TMC5: variants seen among roughly 807,000 people sequenced by gnomAD.
TMC5 encodes transmembrane channel like 5.
Under a neutral mutation model 110.5 loss-of-function variants are expected in TMC5, and 86 were observed. That is an observed-to-expected ratio of 0.78 (90% CI 0.65 to 0.93). TMC5 has a LOEUF of 0.93. Ranked by LOEUF, TMC5 falls within the 40% of genes least tolerant of loss-of-function variation. TMC5 has a pLI of 0.00. For synonymous variants in TMC5, 455 were observed against 439.5 expected (o/e 1.04, Z -0.44); for missense variants, 1,144 against 1,222.8 (o/e 0.94, Z 0.96).
At chr16:19,480,849 A>G (rs553095876) in intron 14 of TMC5, among the ~76,000 whole-genome samples, 9 of 149,538 alleles carry the variant, frequency 6.0e-5, no homozygotes, top group Admixed American at 1.3e-4. Flanking sequence ...TTTTTGACAG[A>G]TCTTTTTTTT....
intron 15 of TMC5, among the ~76,000 whole-genome samples, chr16:19,486,559 T>C (rs1207574883): frequency 6.6e-6 from 1 of 152,148 alleles, no homozygotes; most frequent in East Asian, 1.9e-4. Flanking sequence ...GTATTTTTTG[T>C]AGAGATGGGG....
chr16:19,461,915 T>A (rs1427746042), intron 6 of TMC5, among the ~76,000 whole-genome samples: 1 of 152,132 alleles, frequency 6.6e-6, no homozygotes, highest in Non-Finnish European at 1.5e-5. Flanking sequence ...GAGATTGCAA[T>A]GGGAGGACCA....
intron 1 of TMC5, among the ~76,000 whole-genome samples, chr16:19,420,920 C>T (rs991494073): frequency 2.6e-5 from 4 of 152,158 alleles, no homozygotes; most frequent in African/African-American, 9.7e-5. Context: ...GAATTTTATC[C>T]TGTGTCAGAG....
chr16:19,443,933 A>C, intron 3 of TMC5, 148 bp from the exon 4 acceptor site: 1 of 669,684 alleles, frequency 1.5e-6, no homozygotes, highest in Non-Finnish European at 2.5e-6. Context: ...GGATGGATAC[A>C]TGGATGGATG....
chr16:19,489,623 C>T (rs1229306141), intron 17 of TMC5, among the ~76,000 whole-genome samples: 7 of 151,052 alleles, frequency 4.6e-5, no homozygotes, highest in Middle Eastern at 3.5e-3. Flanking sequence ...CATGAGCCAC[C>T]GCGCCTGGCA....
At chr16:19,468,933 A>G (rs1196873710) in intron 9 of TMC5, among the ~76,000 whole-genome samples, 1 of 152,224 alleles carries the variant, frequency 6.6e-6, no homozygotes, top group Non-Finnish European at 1.5e-5. Flanking sequence ...TGGAGGCTGC[A>G]GTGAGCTATG....
chr16:19,430,023 A>G (rs1967164382), intron 1 of TMC5, among the ~76,000 whole-genome samples: 1 of 152,008 alleles, frequency 6.6e-6, no homozygotes, highest in Non-Finnish European at 1.5e-5. Context: ...AGGGGATGCA[A>G]CTCAACTCAT....
At chr16:19,471,578 AG>A (rs1312755597) in intron 10 of TMC5, among the ~76,000 whole-genome samples, 1 of 152,290 alleles carries the variant, frequency 6.6e-6, no homozygotes, top group East Asian at 1.9e-4. Context: ...GGCCCATTTC[AG>A]AGTCCTCTAT....
chr16:19,411,880 G>A (rs1367090382), intron 1 of TMC5, among the ~76,000 whole-genome samples: 1 of 152,198 alleles, frequency 6.6e-6, no homozygotes, highest in East Asian at 1.9e-4. Context: ...GGAGACAAAG[G>A]TTCAAAGAGG....
intron 1 of TMC5, among the ~76,000 whole-genome samples, chr16:19,425,564 G>A (rs1354397978): frequency 1.3e-5 from 2 of 152,226 alleles, no homozygotes; most frequent in East Asian, 1.9e-4. Context: ...AATTTGGACC[G>A]ACTGCTTTCT....
chr16:19,450,897 G>A (rs150114557), intron 5 of TMC5, among the ~76,000 whole-genome samples: 272 of 152,306 alleles, frequency 1.8e-3, no homozygotes, highest in Admixed American at 3.3e-3. Flanking sequence ...AGAAGGCGCT[G>A]CAATCAGTTA....
Position 19,448,662 on chromosome 16 carries a change from ATATT to A in TMC5, c.959-878_959-875del, listed in dbSNP as rs1223001389. 3.9e-3 allele frequency among the ~76,000 whole-genome samples: 536 copies of A among 138,008 alleles called. 5 individuals are homozygous for A. Among genetic ancestry groups the A allele is most frequent in the Admixed American group, 0.011 (135 of 12,506 alleles). 90.5% of individuals were successfully genotyped at this position (138,008 alleles called of 152,430 possible). ...TATATTTAATGTAATTTTTTATATTATATTTTATATTAAAATATATATTTATAGA... is the reference window on the plus strand; with the variant it reads ...TATATTTAATGTAATTTTTTATATTATTATATTAAAATATATATTTATAGA... On this transcript the variant is annotated intron_variant, in intron 4 of 21. Coordinates refer to ENST00000542583, the MANE Select transcript of TMC5 (RefSeq NM_001261841.2).
chr16:19,419,402 G>GTTTTTTTTTT lies in TMC5; in HGVS notation c.-308+1329_-308+1338dup. On this transcript the variant is annotated intron_variant, in intron 1 of 21. Coordinates refer to ENST00000542583, the MANE Select transcript of TMC5 (RefSeq NM_001261841.2). ...AAGCTCAGTGGAAATGAATGTGTTG[G>GTTTTTTTTTT]TTTTTTTTTTTTTTTTTTTTTTTTT... Among the ~76,000 whole-genome samples, 44 of 65,650 alleles carry GTTTTTTTTTT rather than the reference G, an allele frequency of 6.7e-4. 8 individuals are homozygous for GTTTTTTTTTT. Among genetic ancestry groups the GTTTTTTTTTT allele is most frequent in the Non-Finnish European group, 8.9e-4 (32 of 36,052 alleles). 43.1% of individuals were successfully genotyped at this position (65,650 alleles called of 152,430 possible). A position where few individuals can be genotyped will look rare whatever the true frequency, so the allele number is the denominator to read the frequency against.
At chr16:19,414,005 T>TA (rs1966864905), upstream of TMC5, among the ~76,000 whole-genome samples, 2 of 152,254 alleles carry the variant, frequency 1.3e-5, no homozygotes, top group African/African-American at 4.8e-5. Context: ...GTTGGCCACT[T>TA]ACGTATTACA....
At chr16:19,419,799 A>G (rs969446542) in intron 1 of TMC5, among the ~76,000 whole-genome samples, 3 of 152,212 alleles carry the variant, frequency 2.0e-5, no homozygotes, top group African/African-American at 7.2e-5. Context: ...GCTATAGAGT[A>G]TCTTCATAAA....
intron 9 of TMC5, among the ~76,000 whole-genome samples, chr16:19,469,319 A>C (rs1252641900): frequency 6.6e-6 from 1 of 151,012 alleles, no homozygotes; most frequent in African/African-American, 2.4e-5. Flanking sequence ...ACACCACTGC[A>C]CTCCAGCCTG....
intron 4 of TMC5, among the ~76,000 whole-genome samples, chr16:19,444,521 T>C (rs916584493): frequency 5.3e-5 from 8 of 152,194 alleles, no homozygotes; most frequent in African/African-American, 1.9e-4. Context: ...GCTCAGTCCA[T>C]GGTGGTTATG....
At chr16:19,421,968 C>G (rs139668517) in intron 1 of TMC5, among the ~76,000 whole-genome samples, 2 of 152,040 alleles carry the variant, frequency 1.3e-5, no homozygotes, top group Non-Finnish European at 2.9e-5. Flanking sequence ...CGGTGGCTCA[C>G]GCCTGTAATC....
chr16:19,487,432 T>C (rs1968774184), intron 17 of TMC5, 106 bp downstream of exon 17: 3 of 1,415,960 alleles, frequency 2.1e-6, no homozygotes, highest in Non-Finnish European at 2.8e-6. Flanking sequence ...CCGGGTGCAG[T>C]GGCTCACGCC....
Sources: gnomAD v4.1 joint callset for allele counts (sites outside exome capture counted in the v4.1 genomes callset) on GRCh38, gnomAD v4.1.1 for gene constraint, MANE v1.5 for transcripts, NCBI Gene and HGNC (gene_info 2026-07-23, HGNC 2026-07-21) for gene names.